The following CSMD1 variants were observed in gnomAD, a reference collection of about 807,000 sequenced individuals.
The protein encoded by CSMD1 is CUB and sushi domain-containing protein 1.
In CSMD1, 213 loss-of-function variants were observed where a neutral mutation model predicts 417.5. The observed-to-expected ratio is 0.51, with a 90% CI of 0.46 to 0.57. The LOEUF is 0.57. CSMD1 is among the 20% of genes least tolerant of loss of function. CSMD1 has a pLI of 0.00. For missense variants in CSMD1, 6,923 were observed against 4,529.7 expected, an observed-to-expected ratio of 1.53 and a Z score of -15.17; for synonymous variants, 2,862 against 1,736.8, an observed-to-expected ratio of 1.65 and a Z score of -16.11.
chr8:3,565,186 A>G lies in CSMD1; in HGVS notation c.1344+9759T>C, dbSNP rs558168891. Reference sequence around the variant, plus strand: ...GAGAGAGATCAAGAAAGAAAGAAAGATACATAGATAGACAGATAGATAGAT... The same window carrying G: ...GAGAGAGATCAAGAAAGAAAGAAAGGTACATAGATAGACAGATAGATAGAT... On this transcript the variant is annotated intron_variant, in intron 10 of 69. Coordinates refer to ENST00000635120, the MANE Select transcript of CSMD1 (RefSeq NM_033225.6). Among the ~76,000 whole-genome samples the G allele has an allele frequency of 2.7e-3, 336 of 123,356 alleles. 3 individuals carry two copies. Among genetic ancestry groups the G allele is most frequent in the African/African-American group, 9.3e-3 (321 of 34,468 alleles). The allele number at this position is 123,356 out of a possible 152,430, so 80.9% of individuals were successfully genotyped here.
At chr8:3,324,321 C>A (rs1164253223) in intron 23 of CSMD1, among the ~76,000 whole-genome samples, 2 of 151,760 alleles carry the variant, frequency 1.3e-5, no homozygotes, top group East Asian at 1.9e-4. Context: ...GTTTCCTTCA[C>A]CCCACTAGTC....
chr8:4,020,479 G>A (rs1054400786), intron 4 of CSMD1, among the ~76,000 whole-genome samples: 6 of 152,140 alleles, frequency 3.9e-5, no homozygotes, highest in African/African-American at 1.4e-4. Context: ...GACCGCTAGG[G>A]TCAGGCTGCC....
rs112816274 is a variant in CSMD1 at position 3,199,953 on chromosome 8, A to G, written c.5099-144T>C. On this transcript the variant is annotated intron_variant, in intron 32 of 69. Coordinates refer to ENST00000635120, the MANE Select transcript of CSMD1 (RefSeq NM_033225.6). ...TTTCACTTTATGGTTTAAAACTCAA[A>G]TATGTTGTTTTTATAAAGATTAAAA... 118 of 585,392 alleles carry G rather than the reference A, an allele frequency of 2.0e-4. 2 individuals are homozygous for G. The highest frequency in any genetic ancestry group is 1.3e-3 in the African/African-American group (70 of 53,710). The allele number at this position is 585,392 out of a possible 1,614,324, so 36.3% of individuals were successfully genotyped here.
At chr8:3,577,946 C>G (rs1369981989) in intron 9 of CSMD1, among the ~76,000 whole-genome samples, 1 of 152,150 alleles carries the variant, frequency 6.6e-6, no homozygotes, top group East Asian at 1.9e-4. Flanking sequence ...CACCCTGTGG[C>G]TTGAGCTGTT....
At chr8:4,474,590 G>A (rs999931840) in intron 2 of CSMD1, among the ~76,000 whole-genome samples, 1 of 152,174 alleles carries the variant, frequency 6.6e-6, no homozygotes, top group Non-Finnish European at 1.5e-5. Flanking sequence ...TTTAGGCGGT[G>A]TTTCTGTGTG....
intron 3 of CSMD1, among the ~76,000 whole-genome samples, chr8:4,132,919 T>C (rs1031936753): frequency 6.6e-6 from 1 of 152,142 alleles, no homozygotes; most frequent in Admixed American, 6.6e-5. Flanking sequence ...CTGAAGACTA[T>C]GGTAAAAGTC....
chr8:3,840,118 C>A (rs1480739030), intron 5 of CSMD1, among the ~76,000 whole-genome samples: 1 of 151,990 alleles, frequency 6.6e-6, no homozygotes, highest in African/African-American at 2.4e-5. Flanking sequence ...TTAAAAAGAC[C>A]TATTATGAAC....
intron 3 of CSMD1, among the ~76,000 whole-genome samples, chr8:4,213,015 T>C (rs1006492556): frequency 1.2e-4 from 18 of 152,156 alleles, no homozygotes; most frequent in Non-Finnish European, 2.4e-4. Context: ...TTTGTTTTCT[T>C]ATTTTTAAAA....
intron 1 of CSMD1, among the ~76,000 whole-genome samples, chr8:4,689,538 G>C (rs953675878): frequency 2.0e-5 from 3 of 152,140 alleles, no homozygotes; most frequent in African/African-American, 7.2e-5. Flanking sequence ...GTATCATAAG[G>C]ATTATTAAGA....
intron 1 of CSMD1, among the ~76,000 whole-genome samples, chr8:4,761,119 T>C (rs1467516164): frequency 1.3e-5 from 2 of 152,084 alleles, no homozygotes; most frequent in Non-Finnish European, 2.9e-5. Context: ...TCAGTGAATA[T>C]GCAAAAGAGT....
chr8:4,069,342 C>G (rs149929420), intron 3 of CSMD1, among the ~76,000 whole-genome samples: 1 of 152,180 alleles, frequency 6.6e-6, no homozygotes, highest in East Asian at 1.9e-4. Flanking sequence ...CAACTCTTAT[C>G]TACAGGTAGT....
At chr8:3,223,610 C>A in intron 28 of CSMD1, 119 bp downstream of exon 28, 1 of 1,042,700 alleles carries the variant, frequency 9.6e-7, no homozygotes, top group Non-Finnish European at 1.4e-6. Flanking sequence ...CTCCATTAGA[C>A]ACAAAATCTA....
intron 12 of CSMD1, among the ~76,000 whole-genome samples, chr8:3,461,135 C>T (rs566851281): frequency 1.3e-4 from 20 of 152,154 alleles, no homozygotes; most frequent in African/African-American, 2.9e-4. Context: ...CATCGCTCTG[C>T]GGAACTGAGG....
chr8:3,649,557 G>C (rs983532465), intron 7 of CSMD1, among the ~76,000 whole-genome samples: 3 of 152,132 alleles, frequency 2.0e-5, no homozygotes, highest in Non-Finnish European at 2.9e-5. Flanking sequence ...GCAGGAAGGA[G>C]AAGTGCTGTG....
chr8:4,308,320 T>TA, intron 3 of CSMD1, among the ~76,000 whole-genome samples: 1 of 151,940 alleles, frequency 6.6e-6, no homozygotes, highest in African/African-American at 2.4e-5. Flanking sequence ...TGTGGGGTGG[T>TA]GTATCTGGTG....
At chr8:4,708,674 A>AT (rs11427571) in intron 1 of CSMD1, among the ~76,000 whole-genome samples, 8,050 of 147,786 alleles carry the variant, frequency 0.054, 438 homozygotes, top group African/African-American at 0.14. Context: ...AACCAGATTC[A>AT]TTTTTTTTTT....
At chr8:4,675,605 A>G (rs1342142448) in intron 1 of CSMD1, among the ~76,000 whole-genome samples, 1 of 152,080 alleles carries the variant, frequency 6.6e-6, no homozygotes, top group Non-Finnish European at 1.5e-5. Flanking sequence ...AGCAGTGATT[A>G]CAATGAGGAC....
At chr8:3,159,943 C>A (rs1819779614) in intron 38 of CSMD1, among the ~76,000 whole-genome samples, 1 of 152,134 alleles carries the variant, frequency 6.6e-6, no homozygotes, top group Admixed American at 6.5e-5. Context: ...AGAAGAGGAA[C>A]ATCGATGAGC....
intron 5 of CSMD1, among the ~76,000 whole-genome samples, chr8:3,875,763 G>A (rs535235478): frequency 3.9e-5 from 6 of 152,294 alleles, no homozygotes; most frequent in African/African-American, 1.2e-4. Context: ...GACAGCCAGT[G>A]AAGACCTCCT....
Sources: allele counts gnomAD v4.1 joint callset (sites outside exome capture counted in the v4.1 genomes callset), GRCh38; gene constraint gnomAD v4.1.1; transcripts MANE v1.5; gene names NCBI Gene and HGNC (gene_info 2026-07-23, HGNC 2026-07-21).